Variants in PTPRD observed in about 807,000 individuals in gnomAD.
The protein encoded by PTPRD is protein tyrosine phosphatase receptor type D, also known as receptor-type tyrosine-protein phosphatase delta.
In PTPRD, 34 loss-of-function variants were observed where a neutral mutation model predicts 214.5. The ratio of observed to expected loss-of-function variants is 0.16; its 90% CI spans 0.12 to 0.21. The LOEUF is 0.21. PTPRD is among the 10% of genes least tolerant of loss of function. PTPRD has a pLI of 1.00. For missense variants in PTPRD, 2,545 were observed against 2,398.7 expected (o/e 1.06, Z -1.27); for synonymous variants, 1,128 against 845.7 (o/e 1.33, Z -5.79).
In PTPRD at chr9:8,518,049, T is replaced by C. The variant is rs1425536637; in HGVS notation, c.1342A>G (p.Ile448Val). ...WKEPEEPNGQ[I>V]QGYRVYYTMD... is the part of the protein sequence containing the mutation. ...GTATAATAAACTCTATATCCTTGGA[T>C]CTGTCCATTTGGCTCTTCAGGTTCC... Residue 448 changes from isoleucine to valine, a missense_variant, in exon 21 of 46, where the codon ATC becomes GTC. Transcript: ENST00000381196. 6.2e-7 allele frequency: 1 copy of C among 1,614,228 alleles called. No homozygotes were observed. Among genetic ancestry groups the C allele is most frequent in the East Asian group, 2.2e-5 (1 of 44,884 alleles).
intron 2 of PTPRD, among the ~76,000 whole-genome samples, chr9:10,454,174 G>T (rs1185003346): frequency 6.6e-6 from 1 of 151,316 alleles, no homozygotes; most frequent in African/African-American, 2.4e-5. Context: ...ACAGAATCTG[G>T]ATACCCAGAT....
intron 11 of PTPRD, among the ~76,000 whole-genome samples, chr9:8,954,968 G>T (rs73425802): frequency 0.018 from 2,800 of 151,930 alleles, 81 homozygotes; most frequent in African/African-American, 0.063. Context: ...ATCTTCTGTA[G>T]TCTTGTGAAA....
chr9:9,879,428 A>C (rs1352428331), intron 5 of PTPRD, among the ~76,000 whole-genome samples: 1 of 152,232 alleles, frequency 6.6e-6, no homozygotes, highest in Non-Finnish European at 1.5e-5. Flanking sequence ...AAACAGAACT[A>C]TACTATAAAC....
chr9:10,176,267 G>T (rs781308735), intron 3 of PTPRD, among the ~76,000 whole-genome samples: 1 of 151,208 alleles, frequency 6.6e-6, no homozygotes, highest in Non-Finnish European at 1.5e-5. Context: ...TCAACTCAAG[G>T]TTTTTAATGT....
At chr9:9,606,920 T>A (rs1274882044) in intron 7 of PTPRD, among the ~76,000 whole-genome samples, 1 of 125,766 alleles carries the variant, frequency 8.0e-6, no homozygotes, top group Non-Finnish European at 1.6e-5. Flanking sequence ...GACAGGGCTA[T>A]CTGGAAAGCT....
At chr9:9,599,886 ACT>A (rs2154336399) in intron 7 of PTPRD, among the ~76,000 whole-genome samples, 1 of 152,152 alleles carries the variant, frequency 6.6e-6, no homozygotes, top group Non-Finnish European at 1.5e-5. Context: ...AAATTGTAAA[ACT>A]CAATTTAAGG....
intron 3 of PTPRD, among the ~76,000 whole-genome samples, chr9:10,073,029 C>T (rs753409159): frequency 7.9e-5 from 12 of 151,962 alleles, no homozygotes; most frequent in Admixed American, 1.3e-4. Context: ...TACAAAATAT[C>T]GATTAATACA....
At chr9:10,278,831 G>A (rs548714860) in intron 3 of PTPRD, among the ~76,000 whole-genome samples, 1 of 151,914 alleles carries the variant, frequency 6.6e-6, no homozygotes, top group Non-Finnish European at 1.5e-5. Flanking sequence ...CTGGAGTGCA[G>A]TAGCGCGATC....
At chr9:9,406,530 C>T (rs1308628466) in intron 8 of PTPRD, among the ~76,000 whole-genome samples, 2 of 151,954 alleles carry the variant, frequency 1.3e-5, no homozygotes, top group South Asian at 4.1e-4. Context: ...GATATTTACT[C>T]ATTTATCCAC....
intron 2 of PTPRD, among the ~76,000 whole-genome samples, chr9:10,583,581 A>G (rs1454510425): frequency 1.3e-5 from 2 of 151,720 alleles, no homozygotes; most frequent in Admixed American, 6.6e-5. Flanking sequence ...CCTCCTGAGT[A>G]GCTGGGATAC....
intron 12 of PTPRD, among the ~76,000 whole-genome samples, chr9:8,649,972 C>T (rs926207487): frequency 3.9e-5 from 6 of 152,028 alleles, no homozygotes; most frequent in Admixed American, 3.9e-4. Context: ...GGCTGGACTG[C>T]AGTTGCATAA....
chr9:10,380,432 A>C (rs2097796668), intron 2 of PTPRD, among the ~76,000 whole-genome samples: 1 of 152,060 alleles, frequency 6.6e-6, no homozygotes, highest in African/African-American at 2.4e-5. Flanking sequence ...TTGAAATTTT[A>C]GGAATGATAT....
intron 4 of PTPRD, among the ~76,000 whole-genome samples, chr9:9,973,004 G>C (rs952111044): frequency 6.6e-6 from 1 of 152,216 alleles, no homozygotes; most frequent in East Asian, 1.9e-4. Context: ...CATGATGCAA[G>C]CTAGCCAAAA....
At chr9:9,280,613 A>AT (rs1309086019) in intron 9 of PTPRD, among the ~76,000 whole-genome samples, 1 of 151,352 alleles carries the variant, frequency 6.6e-6, no homozygotes, top group Non-Finnish European at 1.5e-5. Flanking sequence ...TAAAACTTTG[A>AT]TAAAAAATAT....
At chr9:10,428,823 T>C (rs2098650031) in intron 2 of PTPRD, among the ~76,000 whole-genome samples, 1 of 152,054 alleles carries the variant, frequency 6.6e-6, no homozygotes. Context: ...TTGGTAATTG[T>C]ATTCCTCTTG....
intron 2 of PTPRD, among the ~76,000 whole-genome samples, chr9:10,501,701 C>T (rs1393178356): frequency 6.6e-6 from 1 of 151,914 alleles, no homozygotes; most frequent in East Asian, 1.9e-4. Flanking sequence ...TTTCCTAGTA[C>T]TGATAGGGAA....
intron 17 of PTPRD, among the ~76,000 whole-genome samples, chr9:8,526,224 AT>A (rs1230334669): frequency 2.0e-5 from 3 of 151,404 alleles, no homozygotes; most frequent in Admixed American, 6.6e-5. Context: ...AAGAAAAAAA[AT>A]GATCTTTTTT....
At chr9:10,560,323 C>A (rs1206432312) in intron 2 of PTPRD, among the ~76,000 whole-genome samples, 11 of 152,050 alleles carry the variant, frequency 7.2e-5, no homozygotes, top group Admixed American at 6.5e-4. Flanking sequence ...AAAACAAACA[C>A]CGCATATTCT....
At chr9:8,534,642 C>T (rs955218453) in intron 14 of PTPRD, among the ~76,000 whole-genome samples, 14 of 151,638 alleles carry the variant, frequency 9.2e-5, no homozygotes, top group Admixed American at 5.9e-4. Flanking sequence ...TATATATACA[C>T]ACACACACAC....
Sources: allele counts gnomAD v4.1 joint callset (sites outside exome capture counted in the v4.1 genomes callset), GRCh38; gene constraint gnomAD v4.1.1; transcripts MANE v1.5; gene names NCBI Gene and HGNC (gene_info 2026-07-23, HGNC 2026-07-21).